MAGI1: variants seen among roughly 807,000 people sequenced by gnomAD.
MAGI1 encodes membrane associated guanylate kinase, WW and PDZ domain containing 1.
In MAGI1, 58 loss-of-function variants were observed where a neutral mutation model predicts 139.9. The observed-to-expected ratio is 0.41, with a 90% CI of 0.34 to 0.52. The LOEUF (loss-of-function observed/expected upper bound fraction) is 0.52, where lower values mean the gene tolerates loss of function less well. Ranked by LOEUF, MAGI1 falls within the 20% of genes least tolerant of loss-of-function variation. The pLI, the probability that MAGI1 is intolerant of heterozygous loss-of-function variation, is 0.12. For missense variants in MAGI1, 1,874 were observed against 1,901.6 expected (o/e 0.99, Z 0.27); for synonymous variants, 812 against 737.9 (o/e 1.10, Z -1.63).
chr3:65,858,262 CATA>C (rs1188421009), intron 1 of MAGI1, among the ~76,000 whole-genome samples: 5 of 152,192 alleles, frequency 3.3e-5, no homozygotes, highest in African/African-American at 1.2e-4. Flanking sequence ...TCCATGTTGA[CATA>C]ATATGGTAAG....
At chr3:65,378,704 C>CAA (rs1035694796) in intron 17 of MAGI1, among the ~76,000 whole-genome samples, 3 of 145,018 alleles carry the variant, frequency 2.1e-5, no homozygotes, top group Non-Finnish European at 4.5e-5. Flanking sequence ...TTTTTTAAGA[C>CAA]AGAGTCTCGC....
intron 6 of MAGI1, among the ~76,000 whole-genome samples, chr3:65,449,771 T>C (rs1948911828): frequency 6.6e-6 from 1 of 152,070 alleles, no homozygotes. Context: ...CGAGACTCCA[T>C]CTCAAAAAAC....
At chr3:65,622,694 G>A (rs2083750192) in intron 1 of MAGI1, among the ~76,000 whole-genome samples, 1 of 152,028 alleles carries the variant, frequency 6.6e-6, no homozygotes, top group Admixed American at 6.6e-5. Context: ...TTCCCGAGTA[G>A]CTGCGGTTAC....
chr3:65,994,273 C>CAAAAAA (rs35940908), intron 1 of MAGI1, among the ~76,000 whole-genome samples: 1 of 109,410 alleles, frequency 9.1e-6, no homozygotes, highest in Non-Finnish European at 1.8e-5. Flanking sequence ...GACTCCATCT[C>CAAAAAA]AAAAAAAAAA....
At chr3:65,853,874 G>A (rs1192094188) in intron 1 of MAGI1, among the ~76,000 whole-genome samples, 3 of 152,174 alleles carry the variant, frequency 2.0e-5, no homozygotes, top group African/African-American at 7.2e-5. Context: ...GGAGGCCAAG[G>A]CTGGTGGATC....
At chr3:65,856,610 G>A (rs934322670) in intron 1 of MAGI1, among the ~76,000 whole-genome samples, 4 of 152,136 alleles carry the variant, frequency 2.6e-5, no homozygotes, top group Admixed American at 6.5e-5. Context: ...AAGACAACAC[G>A]CCAGGCTTTC....
At chr3:65,395,480 A>G (rs1165747913) in intron 13 of MAGI1, among the ~76,000 whole-genome samples, 1 of 150,862 alleles carries the variant, frequency 6.6e-6, no homozygotes, top group African/African-American at 2.4e-5. Flanking sequence ...CATCTCTACT[A>G]AAAATACAAA....
At chr3:65,493,774 G>C in intron 2 of MAGI1, 143 bp from the exon 3 acceptor site, 1 of 879,000 alleles carries the variant, frequency 1.1e-6, no homozygotes, top group South Asian at 1.7e-5. Flanking sequence ...CAGGGACACA[G>C]TAAAGGCAAC....
intron 1 of MAGI1, among the ~76,000 whole-genome samples, chr3:65,902,233 G>A (rs978630862): frequency 6.6e-6 from 1 of 152,144 alleles, no homozygotes; most frequent in African/African-American, 2.4e-5. Flanking sequence ...CTCTCACATC[G>A]CAATTGTGTC....
intron 1 of MAGI1, among the ~76,000 whole-genome samples, chr3:65,991,730 C>A (rs549902633): frequency 6.6e-6 from 1 of 152,038 alleles, no homozygotes; most frequent in South Asian, 2.1e-4. Context: ...AAAAATAAAT[C>A]CAGGCCAGGC....
At chr3:65,810,225 T>C (rs1207240870) in intron 1 of MAGI1, among the ~76,000 whole-genome samples, 4 of 152,254 alleles carry the variant, frequency 2.6e-5, no homozygotes, top group Admixed American at 6.5e-5. Flanking sequence ...CTTTGGCACA[T>C]TGGGCAAGCC....
chr3:65,424,784 T>C (rs988392344), intron 12 of MAGI1, among the ~76,000 whole-genome samples: 18 of 152,120 alleles, frequency 1.2e-4, no homozygotes, highest in Admixed American at 7.2e-4. Context: ...ATCCAACTTA[T>C]AGGTCAAAGA....
intron 1 of MAGI1, among the ~76,000 whole-genome samples, chr3:65,636,822 G>A (rs1156716966): frequency 2.0e-5 from 3 of 152,106 alleles, no homozygotes; most frequent in African/African-American, 7.2e-5. Context: ...ACTGGATCAG[G>A]TAAAAATCCT....
intron 4 of MAGI1, among the ~76,000 whole-genome samples, chr3:65,471,411 G>A (rs1479165879): frequency 6.6e-6 from 1 of 152,180 alleles, no homozygotes. Flanking sequence ...CAAAAACAGA[G>A]TGAAGAATGA....
At chr3:65,761,931 T>A (rs958659692) in intron 1 of MAGI1, among the ~76,000 whole-genome samples, 1 of 152,156 alleles carries the variant, frequency 6.6e-6, no homozygotes, top group African/African-American at 2.4e-5. Flanking sequence ...GCATTTTCCA[T>A]CTTGTTCTTA....
Position 65,622,047 on chromosome 3 carries a change from G to A in MAGI1, c.355C>T (p.Arg119Ter), listed in dbSNP as rs750544831. 3.1e-6 allele frequency: 5 copies of A among 1,613,984 alleles called. No individual in the cohort carries two copies. Among genetic ancestry groups the A allele is most frequent in the African/African-American group, 1.3e-5 (1 of 75,004 alleles). ...TGATCAGGAGACCCCTTCTGGAATC[G>A]CTGATTGAGAAAATGTCGCAGGTCC... is the stretch of plus-strand genomic sequence containing the variant. The part of the protein sequence containing the change: ...NKDLRHFLNQ[R>*]FQKGSPDHEL... Residue 119 changes from arginine to a stop codon, truncating the protein, a stop_gained, in exon 2 of 23, where the codon CGA (arginine) becomes TGA (stop). Transcript: ENST00000402939. LOFTEE classifies it high-confidence loss of function.
intron 1 of MAGI1, among the ~76,000 whole-genome samples, chr3:65,863,008 C>T (rs2059605500): frequency 6.6e-6 from 1 of 152,216 alleles, no homozygotes; most frequent in Admixed American, 6.5e-5. Flanking sequence ...GGCCCAGCTA[C>T]TCTCCAAGCC....
intron 1 of MAGI1, among the ~76,000 whole-genome samples, chr3:65,805,097 C>A (rs1045030211): frequency 6.6e-6 from 1 of 152,000 alleles, no homozygotes. Context: ...TGGGACCTAA[C>A]TAAACTAAAG....
intron 1 of MAGI1, among the ~76,000 whole-genome samples, chr3:65,854,096 A>G (rs1232314259): frequency 6.6e-6 from 1 of 151,772 alleles, no homozygotes; most frequent in African/African-American, 2.4e-5. Flanking sequence ...CAACAGAGCG[A>G]GACTCTGTCT....
Sources: gnomAD v4.1 joint callset for allele counts (sites outside exome capture counted in the v4.1 genomes callset) on GRCh38, gnomAD v4.1.1 for gene constraint, MANE v1.5 for transcripts, NCBI Gene and HGNC (gene_info 2026-07-23, HGNC 2026-07-21) for gene names.